FOXP1: variants seen among roughly 807,000 people sequenced by gnomAD.
FOXP1 encodes the protein forkhead box protein P1.
Under a neutral mutation model 98.2 loss-of-function variants are expected in FOXP1, and 15 were observed. The observed-to-expected ratio is 0.15, with a 90% CI of 0.10 to 0.24. The LOEUF (loss-of-function observed/expected upper bound fraction) is 0.24. Among genes scored for constraint, FOXP1 ranks in the 10% least tolerant of loss-of-function variants. FOXP1 has a pLI of 1.00. For synonymous variants in FOXP1, 371 were observed against 314.5 expected (o/e 1.18, Z -1.90); for missense variants, 633 against 848.5 (o/e 0.75, Z 3.15).
At chr3:71,582,662 G>A in intron 1 of FOXP1, 1 of 985,404 alleles carries the variant, frequency 1.0e-6, no homozygotes, top group Non-Finnish European at 1.2e-6. Context: ...ATCCGGGCGC[G>A]GCGACTCCTC....
At chr3:71,422,639 CCAAA>C (rs1239163548) in intron 3 of FOXP1, among the ~76,000 whole-genome samples, 2 of 152,124 alleles carry the variant, frequency 1.3e-5, no homozygotes, top group East Asian at 3.8e-4. Context: ...GAAAAGAAAG[CCAAA>C]AAGAATAATC....
At chr3:71,429,628 G>A (rs1212026732) in intron 3 of FOXP1, among the ~76,000 whole-genome samples, 1 of 152,170 alleles carries the variant, frequency 6.6e-6, no homozygotes, top group African/African-American at 2.4e-5. Flanking sequence ...GGAAATGTTA[G>A]ACTGATTGTA....
At chr3:71,486,613 A>T (rs1325627125) in intron 3 of FOXP1, among the ~76,000 whole-genome samples, 1 of 152,252 alleles carries the variant, frequency 6.6e-6, no homozygotes, top group Non-Finnish European at 1.5e-5. Flanking sequence ...TATGCAACAT[A>T]TTGAAATAAA....
chr3:71,294,927 A>AAGGG (rs35310366), intron 5 of FOXP1, among the ~76,000 whole-genome samples: 11,529 of 152,246 alleles, frequency 0.076, 476 homozygotes, highest in Non-Finnish European at 0.1. Context: ...ACAAAGCCCC[A>AAGGG]AGGGAGGAGA....
chr3:71,366,453 A>G (rs2078937500), intron 3 of FOXP1, among the ~76,000 whole-genome samples: 1 of 152,226 alleles, frequency 6.6e-6, no homozygotes, highest in Non-Finnish European at 1.5e-5. Flanking sequence ...TATCTACAGT[A>G]ATTCTCAGCT....
At chr3:71,278,719 T>C (rs2107374934) in intron 5 of FOXP1, among the ~76,000 whole-genome samples, 1 of 152,302 alleles carries the variant, frequency 6.6e-6, no homozygotes. Context: ...GAGGCGGAGC[T>C]TGCAGTAAGC....
At chr3:71,185,667 C>T (rs1414769140) in intron 6 of FOXP1, among the ~76,000 whole-genome samples, 2 of 152,170 alleles carry the variant, frequency 1.3e-5, no homozygotes, top group Admixed American at 1.3e-4. Flanking sequence ...CTCTCCTCAC[C>T]ATGTGCCTCT....
intron 13 of FOXP1, among the ~76,000 whole-genome samples, chr3:70,988,583 G>C (rs1268385143): frequency 6.6e-6 from 1 of 152,226 alleles, no homozygotes; most frequent in Non-Finnish European, 1.5e-5. Context: ...AGGGATGACA[G>C]GTTCCCATTT....
intron 17 of FOXP1, among the ~76,000 whole-genome samples, chr3:70,974,521 A>G (rs1162099774): frequency 4.0e-5 from 6 of 151,558 alleles, no homozygotes; most frequent in African/African-American, 1.2e-4. Flanking sequence ...CTGATCTTGA[A>G]CTCCTGGGCT....
chr3:71,249,735 A>G (rs1174560966), intron 5 of FOXP1, among the ~76,000 whole-genome samples: 1 of 152,178 alleles, frequency 6.6e-6, no homozygotes, highest in Non-Finnish European at 1.5e-5. Flanking sequence ...CATGACTTAG[A>G]TGGCTGGCTC....
intron 8 of FOXP1, 94 bp downstream of exon 8, chr3:71,053,542 G>C: frequency 6.7e-7 from 1 of 1,493,476 alleles, no homozygotes; most frequent in Non-Finnish European, 9.3e-7. Flanking sequence ...ACTGAGCAAA[G>C]GAGCTGCTCT....
intron 6 of FOXP1, among the ~76,000 whole-genome samples, chr3:71,155,911 G>A (rs2060798681): frequency 6.6e-6 from 1 of 152,190 alleles, no homozygotes; most frequent in East Asian, 1.9e-4. Flanking sequence ...TGAAGCCAAT[G>A]GGTGGTTTTT....
chr3:70,964,021 T>C lies in FOXP1; in HGVS notation c.1889+1869A>G, dbSNP rs559797595. Among the ~76,000 whole-genome samples, 14 of 152,338 alleles carry C rather than the reference T, an allele frequency of 9.2e-5. No homozygotes were observed. The South Asian group carries it at 2.5e-3, about 27-fold the overall frequency. ...TGCATCATAGCAGGGTAATGCATAT[T>C]GGACAAGAATGGAAACTCTTGTCAC... is the stretch of plus-strand genomic sequence containing the variant. On this transcript the variant is annotated intron_variant, in intron 20 of 20. Transcript: ENST00000649528.
At chr3:71,152,493 T>C (rs2060618419) in intron 6 of FOXP1, among the ~76,000 whole-genome samples, 1 of 152,136 alleles carries the variant, frequency 6.6e-6, no homozygotes, top group African/African-American at 2.4e-5. Flanking sequence ...CCTTGCATAG[T>C]ATATGAATGG....
Position 71,485,293 on chromosome 3 carries a change from A to C in FOXP1, c.-168+8133T>G, listed in dbSNP as rs547107847. ...AATAAAAGTGGTCAAAAATATTTAAAAGTAGAGAAAATAGTAAACCCCCTT... is the reference window on the plus strand; with the variant it reads ...AATAAAAGTGGTCAAAAATATTTAACAGTAGAGAAAATAGTAAACCCCCTT... On this transcript the variant is annotated intron_variant, in intron 3 of 20. Transcript: ENST00000649528. Among the ~76,000 whole-genome samples the C allele has an allele frequency of 3.3e-5, 5 of 152,294 alleles. No individual in the cohort carries two copies. The South Asian group carries it at 1.0e-3, about 32-fold the overall frequency.
In FOXP1 at chr3:71,072,275, C is replaced by T. The variant is rs1217564086; in HGVS notation, c.283-18502G>A. ...TTGAGGTTGCAGTGAGCCCTGATCACGTCATTGCACTGTACTCCACAGCCT... is the reference window on the plus strand; with the variant it reads ...TTGAGGTTGCAGTGAGCCCTGATCATGTCATTGCACTGTACTCCACAGCCT... On this transcript the variant is annotated intron_variant, in intron 7 of 20. Transcript: ENST00000649528. Among the ~76,000 whole-genome samples the T allele has an allele frequency of 2.0e-5, 3 of 152,176 alleles. No individual in the cohort carries two copies. The East Asian group carries it at 5.8e-4, about 29-fold the overall frequency.
chr3:70,956,271 A>G lies in FOXP1; in HGVS notation c.*2976T>C, dbSNP rs2031756977. On this transcript the variant is annotated 3_prime_UTR_variant, in exon 21 of 21. Transcript: ENST00000649528. ...TAATAAACCCCATCCTAAAGAAGCA[A>G]CTGGGATAACCCCCAGGGGATACAG... 1 of 233,584 alleles carries G rather than the reference A, an allele frequency of 4.3e-6. No homozygotes were observed. Among genetic ancestry groups the G allele is most frequent in the Non-Finnish European group, 8.5e-6 (1 of 117,952 alleles). 14.5% of individuals were successfully genotyped at this position (233,584 alleles called of 1,614,324 possible). A position where few individuals can be genotyped will look rare whatever the true frequency, so the allele number is the denominator to read the frequency against.
At position 71,052,442 on chromosome 3, in the gene FOXP1, T is replaced by C. The variant is rs558718912; in HGVS notation, c.510+95A>G. 13 of 811,710 alleles carry C rather than the reference T, an allele frequency of 1.6e-5. No individual in the cohort carries two copies. The East Asian group carries it at 1.7e-4, about 11-fold the overall frequency. 50.3% of individuals were successfully genotyped at this position (811,710 alleles called of 1,614,324 possible). ...CTGAGAACCGATAGAGTCAGCTCAGTTGTGCAATCATTTAAAAGATGAATG... is the reference window on the plus strand; with the variant it reads ...CTGAGAACCGATAGAGTCAGCTCAGCTGTGCAATCATTTAAAAGATGAATG... On this transcript the variant is annotated intron_variant, in intron 9 of 20. Transcript: ENST00000649528.
intron 3 of FOXP1, among the ~76,000 whole-genome samples, chr3:71,464,794 G>A (rs925100547): frequency 6.6e-5 from 10 of 152,178 alleles, no homozygotes; most frequent in Admixed American, 6.5e-4. Flanking sequence ...ACACACAGAG[G>A]ACTGACTTTG....
Sources: gnomAD v4.1 joint callset for allele counts (sites outside exome capture counted in the v4.1 genomes callset) on GRCh38, gnomAD v4.1.1 for gene constraint, MANE v1.5 for transcripts, NCBI Gene and HGNC (gene_info 2026-07-23, HGNC 2026-07-21) for gene names.